The following C1R variants were observed in gnomAD, a reference collection of about 807,000 sequenced individuals.
C1R encodes complement C1r subcomponent.
Under a neutral mutation model 27.6 loss-of-function variants are expected in C1R, and 15 were observed. That is an observed-to-expected ratio of 0.54 (90% CI 0.36 to 0.84). The LOEUF (loss-of-function observed/expected upper bound fraction) is 0.84, where lower values mean the gene tolerates loss of function less well. Among genes scored for constraint, C1R ranks in the 40% least tolerant of loss-of-function variants. The probability of loss-of-function intolerance (pLI) is 0.01; values close to 1 mark genes in which losing one functional copy is unlikely to be tolerated. For missense variants in C1R, 544 were observed against 577.9 expected (o/e 0.94, Z 0.60); for synonymous variants, 253 against 228.8 (o/e 1.11, Z -0.95).
In C1R at chr12:7,081,282, G is replaced by T; in HGVS notation, c.1368C>A (p.Asn456Lys). Residue 456 changes from asparagine (N) to lysine (K), a missense_variant, in exon 11 of 11, where the codon AAC becomes AAA. Around this residue, in one of 2 missense-constraint regions of C1R, gnomAD observed 253 missense variants for 368.9 expected, o/e 0.69. Transcript: ENST00000647956. The part of the protein sequence containing the change: ...RCLPVCGKPV[N>K]PVEQRQRIIG... ...TGATGCGCTGCCTCTGTTCCACGGGGTTCACGGGCTTCCCACACACTGAGG... is the reference window on the plus strand; with the variant it reads ...TGATGCGCTGCCTCTGTTCCACGGGTTTCACGGGCTTCCCACACACTGAGG... 1 of 1,610,796 alleles carries T rather than the reference G, an allele frequency of 6.2e-7. No individual in the cohort carries two copies. Among genetic ancestry groups the T allele is most frequent in the Non-Finnish European group, 8.5e-7 (1 of 1,178,498 alleles).
chr12:7,089,446 G>C lies in C1R; in HGVS notation c.615C>G (p.Ile205Met). 1.3e-6 allele frequency: 1 copy of C among 778,306 alleles called. No individual in the cohort carries two copies. Among genetic ancestry groups the C allele is most frequent in the South Asian group, 1.3e-5 (1 of 74,376 alleles). 48.2% of individuals were successfully genotyped at this position (778,306 alleles called of 1,614,324 possible). Residue 205 changes from isoleucine to methionine, a missense_variant, in exon 5 of 11, where the codon ATC becomes ATG. Transcript: ENST00000647956. ...SELYTEASGY[I>M]SSLEYPRSYP... ...AGGACCGAGGGTACTCCAGGCTGGA[G>C]ATGTAGCCTGATGCCTCCGTGTACA...
rs1269353490 is a variant in C1R at position 7,088,616 on chromosome 12, G to A, written c.1032C>T (p.Leu344=). ...FIATCKQGYQ[L]IEGNQVLHSF... is the part of the protein sequence containing the mutation. Reference sequence around the variant, plus strand: ...CTCAGCCCTGGGCTCTTACCTCTATGAGCTGGTAGCCTTGCTTGCAGGTAG... The same window carrying A: ...CTCAGCCCTGGGCTCTTACCTCTATAAGCTGGTAGCCTTGCTTGCAGGTAG... The change falls in exon 7 of 11, where the codon CTC becomes CTT. Residue 344 remains leucine, a synonymous_variant. Coordinates refer to ENST00000647956, the MANE Select transcript of C1R (RefSeq NM_001733.7). The A allele has an allele frequency of 6.9e-6, 5 of 723,344 alleles. No individual in the cohort carries two copies. Among genetic ancestry groups the A allele is most frequent in the Non-Finnish European group, 1.3e-5 (5 of 387,460 alleles). 44.8% of individuals were successfully genotyped at this position (723,344 alleles called of 1,614,324 possible).
At chr12:7,084,854 A>ATAT (rs1555164174) in intron 9 of C1R, among the ~76,000 whole-genome samples, 6 of 142,088 alleles carry the variant, frequency 4.2e-5, no homozygotes, top group South Asian at 2.3e-4. Flanking sequence ...AGTGGTGGTG[A>ATAT]TGGTGTTGGT....
At chr12:7,081,601 T>C (rs1016023013) in intron 10 of C1R, among the ~76,000 whole-genome samples, 4 of 152,194 alleles carry the variant, frequency 2.6e-5, no homozygotes, top group Admixed American at 6.5e-5. Flanking sequence ...CAAGCAATTC[T>C]TGTGCCTCAG....
chr12:7,081,405 G>A, intron 10 of C1R, 104 bp from the exon 11 acceptor site: 3 of 1,022,658 alleles, frequency 2.9e-6, no homozygotes, highest in Non-Finnish European at 4.4e-6. Context: ...TTTGGCTTCT[G>A]TCTCTTTTCT....
intron 2 of C1R, 113 bp from the exon 3 acceptor site, chr12:7,090,361 C>T: frequency 1.6e-6 from 1 of 620,984 alleles, no homozygotes; most frequent in Non-Finnish European, 2.9e-6. Flanking sequence ...ACCACAATGG[C>T]TCTGGCTGGT....
rs767893068 is a variant in C1R, at chr12:7,080,996, A to G, written c.1654T>C (p.Tyr552His). ...VHPDYRQDES[Y>H]NFEGDIALLE... ...AGGGCGATGTCCCCCTCAAAATTGTAGGACTCATCCTGACGGTAGTCCGGG... is the reference window on the plus strand; with the variant it reads ...AGGGCGATGTCCCCCTCAAAATTGTGGGACTCATCCTGACGGTAGTCCGGG... Residue 552 changes from tyrosine (Y) to histidine (H), a missense_variant, in exon 11 of 11, where the codon TAC becomes CAC. Tyr to His is a moderately conservative substitution (Grantham distance 83). Transcript: ENST00000647956. This position sits in a 1 kb window ranked among gnomAD's most constrained non-coding sequence, Gnocchi z 4.9. 6.2e-7 allele frequency: 1 copy of G among 1,614,012 alleles called. No individual in the cohort carries two copies. Among genetic ancestry groups the G allele is most frequent in the Non-Finnish European group, 8.5e-7 (1 of 1,179,870 alleles).
In C1R at chr12:7,088,713, G is replaced by A. The variant is rs776642129; in HGVS notation, c.935C>T (p.Pro312Leu). 2 of 777,420 alleles carry A rather than the reference G, an allele frequency of 2.6e-6. No homozygotes were observed. The highest frequency in any genetic ancestry group is 4.9e-5 in the East Asian group (2 of 41,168). 48.2% of individuals were successfully genotyped at this position (777,420 alleles called of 1,614,324 possible). Residue 312 changes from proline (P) to leucine (L), a missense_variant, in exon 7 of 11, where the codon CCC (proline) becomes CTC (leucine). Coordinates refer to ENST00000647956, the MANE Select transcript of C1R (RefSeq NM_001733.7). Reference protein sequence around the residue: ...YTTEIIKCPQPKTLDEFTIIQ... With the variant: ...YTTEIIKCPQLKTLDEFTIIQ... ...GATGGTGAACTCGTCTAGGGTCTTG[G>A]GCTGGGGGCACTTGATGACTGTTGG...
In C1R at chr12:7,091,786, C is replaced by A. The variant is rs117830039; in HGVS notation, c.3-106G>T. 3,991 of 713,240 alleles carry A rather than the reference C, an allele frequency of 5.6e-3. 21 individuals carry two copies. The highest frequency in any genetic ancestry group is 5.8e-3 in the Non-Finnish European group (2,252 of 384,958). The allele number at this position is 713,240 out of a possible 1,614,324, so 44.2% of individuals were successfully genotyped here. A position where few individuals can be genotyped will look rare whatever the true frequency, so the allele number is the denominator to read the frequency against. ...AGACGGCCATACCACTGGGCATTCT[C>A]CTCTCTGCCCACCCTGAACCTCACA... On this transcript the variant is annotated intron_variant, in intron 1 of 10. Transcript: ENST00000647956. The surrounding 1 kb of genome is among the most constrained non-coding windows in gnomAD (Gnocchi z 5.1).
chr12:7,089,187 G>C lies in C1R; in HGVS notation c.768+106C>G, dbSNP rs201999588. On this transcript the variant is annotated intron_variant, in intron 5 of 10. Transcript: ENST00000647956. ...ACCCAGCCCATGGGTGATGTTGGCC[G>C]TTCCTGCCCCAGCTGGCCAGGGGAT... The C allele has an allele frequency of 5.9e-6, 4 of 681,604 alleles. No individual in the cohort carries two copies. The South Asian group carries it at 6.4e-5, about 11-fold the overall frequency. The allele number at this position is 681,604 out of a possible 1,614,324, so 42.2% of individuals were successfully genotyped here. A position where few individuals can be genotyped will look rare whatever the true frequency, so the allele number is the denominator to read the frequency against.
In C1R at chr12:7,090,251, G is replaced by T; in HGVS notation, c.232-3C>A. ...AGGCTTTTCTTATCAGCAGAGATCT[G>T]GTGGAAGAAGGACAGGGGGTAGGAA... On this transcript the variant is annotated splice_region_variant and splice_polypyrimidine_tract_variant and intron_variant, in intron 2 of 10. Coordinates refer to ENST00000647956, the MANE Select transcript of C1R (RefSeq NM_001733.7). 1.4e-6 allele frequency: 1 copy of T among 725,504 alleles called. No individual in the cohort carries two copies. Among genetic ancestry groups the T allele is most frequent in the East Asian group, 2.6e-5 (1 of 38,146 alleles). The allele number at this position is 725,504 out of a possible 1,614,324, so 44.9% of individuals were successfully genotyped here. A position where few individuals can be genotyped will look rare whatever the true frequency, so the allele number is the denominator to read the frequency against.
chr12:7,080,293 G>C lies in C1R; in HGVS notation c.*239C>G. On this transcript the variant is annotated 3_prime_UTR_variant, in exon 11 of 11. Transcript: ENST00000647956. The surrounding 1 kb of genome is among the most constrained non-coding windows in gnomAD (Gnocchi z 4.9). Reference sequence around the variant, plus strand: ...AATGGTATCAAAGTGGAAGAGGAAAGTGACAACTAGAGATTGATAACTATA... The same window carrying C: ...AATGGTATCAAAGTGGAAGAGGAAACTGACAACTAGAGATTGATAACTATA... The C allele has an allele frequency of 5.0e-6, 6 of 1,205,442 alleles. No individual in the cohort carries two copies. The highest frequency in any genetic ancestry group is 5.2e-6 in the Non-Finnish European group (5 of 969,760). The allele number at this position is 1,205,442 out of a possible 1,614,324, so 74.7% of individuals were successfully genotyped here.
intron 9 of C1R, among the ~76,000 whole-genome samples, chr12:7,085,347 T>G (rs1938135710): frequency 6.6e-6 from 1 of 151,526 alleles, no homozygotes; most frequent in African/African-American, 2.4e-5. Context: ...ATGATGTTGG[T>G]AATGGTGATG....
In C1R at chr12:7,091,781, A is replaced by G. The variant is rs746654318; in HGVS notation, c.3-101T>C. On this transcript the variant is annotated intron_variant, in intron 1 of 10. Transcript: ENST00000647956. The surrounding 1 kb of genome is among the most constrained non-coding windows in gnomAD (Gnocchi z 5.1). ...GGATGAGACGGCCATACCACTGGGC[A>G]TTCTCCTCTCTGCCCACCCTGAACC... 116 of 713,952 alleles carry G rather than the reference A, an allele frequency of 1.6e-4. No individual in the cohort carries two copies. The highest frequency in any genetic ancestry group is 1.5e-3 in the African/African-American group (83 of 57,214). The allele number at this position is 713,952 out of a possible 1,614,324, so 44.2% of individuals were successfully genotyped here.
rs1251110210 is a variant in C1R, at chr12:7,089,361, G to A, written c.700C>T (p.Leu234Phe). The A allele has an allele frequency of 2.6e-6, 2 of 780,696 alleles. No homozygotes were observed. Among genetic ancestry groups the A allele is most frequent in the South Asian group, 1.3e-5 (1 of 74,590 alleles). The allele number at this position is 780,696 out of a possible 1,614,324, so 48.4% of individuals were successfully genotyped here. ...IRVERGLTLH[L>F]KFLEPFDIDD... ...ATATCAAAAGGCTCCAGGAACTTGA[G>A]GTGCAGGGTGAGGCCCCGCTCCACC... Residue 234 changes from leucine to phenylalanine, a missense_variant, in exon 5 of 11, where the codon CTC becomes TTC. Around this residue, in one of 2 missense-constraint regions of C1R, gnomAD observed 291 missense variants for 209.0 expected, o/e 1.39. Transcript: ENST00000647956.
chr12:7,088,024 C>T (rs759434729), intron 7 of C1R, among the ~76,000 whole-genome samples: 5 of 152,144 alleles, frequency 3.3e-5, no homozygotes, highest in Admixed American at 2.0e-4. Context: ...GAGGACAGGA[C>T]GGTGGGCGCA....
At chr12:7,092,253 C>A (rs1466225956) in intron 1 of C1R, 134 bp downstream of exon 1, 1 of 735,302 alleles carries the variant, frequency 1.4e-6, no homozygotes, top group East Asian at 2.6e-5. Flanking sequence ...TGTGTGTGTC[C>A]ACGCGTGTGC....
rs1938052642 is a variant in C1R, at chr12:7,081,114, T to G, written c.1536A>C (p.Gln512His). Residue 512 changes from glutamine to histidine, a missense_variant, in exon 11 of 11, where the codon CAA becomes CAC. Transcript: ENST00000647956. The part of the protein sequence containing the change: ...HTLYPKEHEA[Q>H]SNASLDVFLG... Reference sequence around the variant, plus strand: ...GGAACACATCCAAAGAGGCGTTGCTTTGCGCTTCGTGTTCCTTGGGATACA... The same window carrying G: ...GGAACACATCCAAAGAGGCGTTGCTGTGCGCTTCGTGTTCCTTGGGATACA... 1 of 1,613,922 alleles carries G rather than the reference T, an allele frequency of 6.2e-7. No homozygotes were observed. Among genetic ancestry groups the G allele is most frequent in the South Asian group, 1.1e-5 (1 of 91,086 alleles).
chr12:7,089,826 G>A (rs1938231635), intron 3 of C1R, 93 bp from the exon 4 acceptor site: 1 of 726,628 alleles, frequency 1.4e-6, no homozygotes, highest in African/African-American at 1.7e-5. Context: ...GAGACCTAAA[G>A]ACAAAGGCAT....
Sources: gnomAD v4.1 joint callset for allele counts (sites outside exome capture counted in the v4.1 genomes callset) on GRCh38, gnomAD v4.1.1 for gene constraint, gnomAD v4.1.1 regional missense constraint, Gnocchi (gnomAD v3.1) non-coding constraint, MANE v1.5 for transcripts, NCBI Gene and HGNC (gene_info 2026-07-23, HGNC 2026-07-21) for gene names.